FDX1: variants seen among roughly 807,000 people sequenced by gnomAD.
FDX1 encodes ferredoxin 1, also known as adrenodoxin, mitochondrial.
Under a neutral mutation model 14.9 loss-of-function variants are expected in FDX1, and 9 were observed. That is an observed-to-expected ratio of 0.60 (90% CI 0.36 to 1.05). The LOEUF is 1.05. FDX1 is among the 50% of genes least tolerant of loss of function. The pLI, the probability that FDX1 is intolerant of heterozygous loss-of-function variation, is 0.01. For synonymous variants in FDX1, 92 were observed against 99.4 expected (o/e 0.93, Z 0.44); for missense variants, 204 against 237.2 (o/e 0.86, Z 0.92).
intron 2 of FDX1, among the ~76,000 whole-genome samples, chr11:110,440,983 G>A (rs1252733347): frequency 6.6e-6 from 1 of 152,156 alleles, no homozygotes; most frequent in African/African-American, 2.4e-5. Context: ...AATCCTGGGG[G>A]CAGGTCTTTC....
intron 2 of FDX1, among the ~76,000 whole-genome samples, chr11:110,437,730 A>G (rs1458603619): frequency 6.6e-6 from 1 of 152,166 alleles, no homozygotes; most frequent in East Asian, 1.9e-4. Context: ...CTGGAGTATG[A>G]GTGATCCTGT....
In FDX1 at chr11:110,439,482, C is replaced by T. The variant is rs530395247; in HGVS notation, c.310+3524C>T. Among the ~76,000 whole-genome samples, 6 of 152,320 alleles carry T rather than the reference C, an allele frequency of 3.9e-5. No individual in the cohort carries two copies. In the East Asian group the frequency reaches 1.2e-3, roughly 29 times the overall value. On this transcript the variant is annotated intron_variant, in intron 2 of 3. Transcript: ENST00000260270. ...TTGGCCTCCCAAAGTGCTGGGATTACAGGTGTGAGCCACCACACCCGGCCC... is the reference window on the plus strand; with the variant it reads ...TTGGCCTCCCAAAGTGCTGGGATTATAGGTGTGAGCCACCACACCCGGCCC...
At chr11:110,451,656 A>G (rs191356861) in intron 2 of FDX1, among the ~76,000 whole-genome samples, 14 of 152,380 alleles carry the variant, frequency 9.2e-5, no homozygotes, top group Admixed American at 4.6e-4. Flanking sequence ...TTGTAGCACT[A>G]TTCACAATAG....
At chr11:110,447,241 A>G (rs1266773739) in intron 2 of FDX1, among the ~76,000 whole-genome samples, 1 of 142,618 alleles carries the variant, frequency 7.0e-6, no homozygotes, top group African/African-American at 2.6e-5. Flanking sequence ...CATCCTGGCC[A>G]ACATAATGAA....
intron 2 of FDX1, among the ~76,000 whole-genome samples, chr11:110,451,320 A>G (rs1946484972): frequency 6.6e-6 from 1 of 152,188 alleles, no homozygotes; most frequent in Non-Finnish European, 1.5e-5. Context: ...TTTGGGATAA[A>G]ATGCATTGCA....
intron 2 of FDX1, 63 bp downstream of exon 2, chr11:110,436,021 G>T: frequency 2.7e-6 from 4 of 1,465,494 alleles, no homozygotes. Context: ...TTTTTATTTT[G>T]TGGTTTTTTT....
chr11:110,445,034 T>C (rs540997033), intron 2 of FDX1, among the ~76,000 whole-genome samples: 1 of 152,058 alleles, frequency 6.6e-6, no homozygotes, highest in East Asian at 1.9e-4. Context: ...AAAATGATGT[T>C]GGTAGTTTGA....
At chr11:110,455,883 A>T (rs936117627) in intron 2 of FDX1, among the ~76,000 whole-genome samples, 1 of 152,202 alleles carries the variant, frequency 6.6e-6, no homozygotes, top group Admixed American at 6.5e-5. Flanking sequence ...CGAATGCAAA[A>T]TTGGCTGACT....
chr11:110,453,349 A>C (rs1056239569), intron 2 of FDX1, among the ~76,000 whole-genome samples: 2 of 152,182 alleles, frequency 1.3e-5, no homozygotes, highest in Non-Finnish European at 2.9e-5. Context: ...AAAACAAACA[A>C]ACACAACAAA....
At position 110,430,344 on chromosome 11, in the gene FDX1, G is replaced by C; in HGVS notation, c.185+39G>C. On this transcript the variant is annotated intron_variant, in intron 1 of 3. Transcript: ENST00000260270. ...CGGGCGCGATCGCCGGCGCGGGCCG[G>C]GGTCCCCGGTGGGTGGCGCCTGGCT... 5.1e-6 allele frequency: 6 copies of C among 1,171,246 alleles called. No individual in the cohort carries two copies. In the South Asian group the frequency reaches 2.5e-4, roughly 50 times the overall value. The allele number at this position is 1,171,246 out of a possible 1,614,324, so 72.6% of individuals were successfully genotyped here. A position where few individuals can be genotyped will look rare whatever the true frequency, so the allele number is the denominator to read the frequency against.
rs1407190055 is a variant in FDX1, at chr11:110,462,361, T to C, written c.448T>C (p.Leu150=). The change falls in exon 4 of 4, where the codon TTG becomes CTG. Residue 150 remains leucine, a synonymous_variant. Transcript: ENST00000260270. ...LAYGLTDRSR[L]GCQICLTKSM... is the part of the protein sequence containing the mutation. ...TCCCCCTTTTCCATACAGATCACGG[T>C]TGGGCTGCCAAATCTGTTTGACAAA... The C allele has an allele frequency of 4.0e-5, 64 of 1,605,720 alleles. No individual in the cohort carries two copies. Among genetic ancestry groups the C allele is most frequent in the Non-Finnish European group, 5.1e-5 (60 of 1,172,952 alleles).
At chr11:110,444,725 T>TAC (rs1946436337) in intron 2 of FDX1, among the ~76,000 whole-genome samples, 2 of 50,724 alleles carry the variant, frequency 3.9e-5, no homozygotes, top group African/African-American at 1.7e-4. Context: ...TATATATACG[T>TAC]ATATATATAT....
rs545856846 is a variant in FDX1, at chr11:110,462,597, C to T, written c.*129C>T. On this transcript the variant is annotated 3_prime_UTR_variant, in exon 4 of 4. Coordinates refer to ENST00000260270, the MANE Select transcript of FDX1 (RefSeq NM_004109.5). ...GACTAGCTTTACTATTTTAATTCACCTTGCATAACTACTGAATTTTGTCAT... is the reference window on the plus strand; with the variant it reads ...GACTAGCTTTACTATTTTAATTCACTTTGCATAACTACTGAATTTTGTCAT... The T allele has an allele frequency of 5.1e-4, 222 of 433,018 alleles. No individual in the cohort carries two copies. Among genetic ancestry groups the T allele is most frequent in the South Asian group, 2.2e-3 (24 of 10,938 alleles). 26.8% of individuals were successfully genotyped at this position (433,018 alleles called of 1,614,324 possible). A position where few individuals can be genotyped will look rare whatever the true frequency, so the allele number is the denominator to read the frequency against.
intron 2 of FDX1, among the ~76,000 whole-genome samples, chr11:110,446,773 G>GCTGGCCAGCCACTGGGCGC (rs1283487504): frequency 1.3e-5 from 2 of 152,196 alleles, no homozygotes; most frequent in Non-Finnish European, 2.9e-5. Context: ...GGCACGAGGG[G>GCTGGCCAGCCACTGGGCGC]CTGGCCAGCC....
At chr11:110,460,445 T>C (rs1187717840) in intron 3 of FDX1, among the ~76,000 whole-genome samples, 1 of 152,238 alleles carries the variant, frequency 6.6e-6, no homozygotes, top group Admixed American at 6.5e-5. Flanking sequence ...TGACTTGAGC[T>C]TCTTTGCATT....
intron 2 of FDX1, among the ~76,000 whole-genome samples, chr11:110,440,982 G>A (rs1007897920): frequency 6.6e-6 from 1 of 152,076 alleles, no homozygotes; most frequent in Non-Finnish European, 1.5e-5. Context: ...GAATCCTGGG[G>A]GCAGGTCTTT....
intron 2 of FDX1, among the ~76,000 whole-genome samples, chr11:110,438,845 C>T (rs1483182883): frequency 6.6e-6 from 1 of 151,936 alleles, no homozygotes; most frequent in Non-Finnish European, 1.5e-5. Flanking sequence ...GGATATTAGA[C>T]CTTTGTTGGA....
intron 3 of FDX1, among the ~76,000 whole-genome samples, chr11:110,460,591 C>T (rs1033346361): frequency 3.3e-5 from 5 of 152,208 alleles, no homozygotes; most frequent in African/African-American, 1.2e-4. Flanking sequence ...CTCTCAGAGC[C>T]ATTTGGCTTT....
At position 110,464,707 on chromosome 11, in the gene FDX1, G is replaced by A. The variant is rs1946582197; in HGVS notation, c.*2239G>A. On this transcript the variant is annotated 3_prime_UTR_variant, in exon 4 of 4. Transcript: ENST00000260270. ...TTAGCTTCATTATTCTTGTCTTTGT[G>A]TGTGGATTACCTAAACTCTCCTTCC... 6.6e-6 allele frequency: 1 copy of A among 152,154 alleles called. No homozygotes were observed. Among genetic ancestry groups the A allele is most frequent in the Non-Finnish European group, 1.5e-5 (1 of 68,036 alleles). The allele number at this position is 152,154 out of a possible 1,614,324, so 9.4% of individuals were successfully genotyped here.
Sources: allele counts gnomAD v4.1 joint callset (sites outside exome capture counted in the v4.1 genomes callset), GRCh38; gene constraint gnomAD v4.1.1; transcripts MANE v1.5; gene names NCBI Gene and HGNC (gene_info 2026-07-23, HGNC 2026-07-21).